Variants in ATRNL1 observed in about 807,000 individuals in gnomAD.
ATRNL1 encodes the protein attractin-like protein 1.
ATRNL1 carries 95 observed loss-of-function variants against 182.7 expected under a neutral mutation model. The ratio of observed to expected loss-of-function variants is 0.52; its 90% CI spans 0.44 to 0.62. The LOEUF is 0.62. Ranked by LOEUF, ATRNL1 falls within the 20% of genes least tolerant of loss-of-function variation. The pLI is 0.00. For missense variants in ATRNL1, 1,471 were observed against 1,679.5 expected (o/e 0.88, Z 2.17); for synonymous variants, 576 against 568.3 (o/e 1.01, Z -0.19).
At position 115,506,525 on chromosome 10, in the gene ATRNL1, A is replaced by C. The variant is rs1592756091; in HGVS notation, c.3655-12738A>C. Reference sequence around the variant, plus strand: ...TCTACCAGCCTAGAAGCTGGAAAAAAAACTAAAAAACAAAAACCTGAACTC... The same window carrying C: ...TCTACCAGCCTAGAAGCTGGAAAAACAACTAAAAAACAAAAACCTGAACTC... On this transcript the variant is annotated intron_variant, in intron 24 of 28. Transcript: ENST00000355044. 2.6e-5 allele frequency among the ~76,000 whole-genome samples: 4 copies of C among 152,162 alleles called. No homozygotes were observed. In the South Asian group the frequency reaches 8.3e-4, roughly 32 times the overall value.
intron 15 of ATRNL1, among the ~76,000 whole-genome samples, chr10:115,296,288 CCACTCCCCCACTG>C (rs1198920149): frequency 6.6e-6 from 1 of 152,080 alleles, no homozygotes; most frequent in Non-Finnish European, 1.5e-5. Context: ...AGGTGCATCT[CCACTCCCCCACTG>C]CACTCCAGCA....
intron 8 of ATRNL1, among the ~76,000 whole-genome samples, chr10:115,193,637 A>T (rs1476311107): frequency 6.6e-6 from 1 of 150,882 alleles, no homozygotes; most frequent in Non-Finnish European, 1.5e-5. Context: ...ATTTGTCTAT[A>T]TTTTCATCTT....
chr10:115,787,011 G>C (rs1949413395), intron 27 of ATRNL1, among the ~76,000 whole-genome samples: 1 of 152,066 alleles, frequency 6.6e-6, no homozygotes, highest in Non-Finnish European at 1.5e-5. Flanking sequence ...AATAATCTTT[G>C]TTTTTATTCA....
chr10:115,623,928 A>C (rs1203595339), intron 26 of ATRNL1, among the ~76,000 whole-genome samples: 2 of 152,320 alleles, frequency 1.3e-5, no homozygotes, highest in East Asian at 3.9e-4. Context: ...CCTAGGGCTC[A>C]GGATATTTTT....
At chr10:115,263,456 A>C (rs1253921629) in intron 10 of ATRNL1, among the ~76,000 whole-genome samples, 1 of 151,804 alleles carries the variant, frequency 6.6e-6, no homozygotes, top group African/African-American at 2.4e-5. Flanking sequence ...TTTCTTAAAA[A>C]ATTGAACACA....
At chr10:115,458,447 A>C (rs17093102) in intron 21 of ATRNL1, among the ~76,000 whole-genome samples, 7,974 of 152,066 alleles carry the variant, frequency 0.052, 640 homozygotes, top group African/African-American at 0.18. Flanking sequence ...ACTCCTACTA[A>C]TTTTGTTCTA....
intron 27 of ATRNL1, among the ~76,000 whole-genome samples, chr10:115,772,590 A>ACT (rs1491377429): frequency 3.3e-5 from 2 of 60,642 alleles, no homozygotes; most frequent in African/African-American, 1.1e-4. Flanking sequence ...CAAAATATAT[A>ACT]CTCTGTCTGT....
chr10:115,270,582 G>A (rs116120155), intron 13 of ATRNL1, among the ~76,000 whole-genome samples: 1,965 of 151,774 alleles, frequency 0.013, 39 homozygotes, highest in African/African-American at 0.044. Flanking sequence ...TCTACTCTAC[G>A]TATGGAGGCT....
intron 5 of ATRNL1, among the ~76,000 whole-genome samples, chr10:115,158,952 T>A (rs1846650315): frequency 6.6e-6 from 1 of 151,770 alleles, no homozygotes; most frequent in Admixed American, 6.6e-5. Context: ...AATGATTATA[T>A]GCCATAGTAT....
chr10:115,727,175 G>A (rs1368914989), intron 26 of ATRNL1, 73 bp from the exon 27 acceptor site: 13 of 1,024,074 alleles, frequency 1.3e-5, no homozygotes, highest in Non-Finnish European at 2.0e-5. Context: ...TGTTAAAAGA[G>A]GGAACCAGAT....
Position 115,165,601 on chromosome 10 carries a change from A to G in ATRNL1, c.1048A>G (p.Arg350Gly), listed in dbSNP as rs782542678. The G allele has an allele frequency of 1.9e-6, 3 of 1,546,666 alleles. No individual in the cohort carries two copies. Among genetic ancestry groups the G allele is most frequent in the South Asian group, 2.5e-5 (2 of 78,950 alleles). The change falls in exon 7 of 29, where the codon AGG becomes GGG. Residue 350 changes from arginine to glycine, a missense_variant. By Grantham distance (125) the Arg-to-Gly change is moderately radical. This residue lies in a region of ATRNL1 where 1,031 missense variants were observed against 1,156.0 expected (regional missense o/e 0.89). Transcript: ENST00000355044. ...TATATGGAATGTAGGAACTCCATCA[A>G]GGGGACCTCTCCAGAGATATGGACA... ...SSIWNVGTPSRGPLQRYGHSL... is the reference protein window; with the variant it reads ...SSIWNVGTPSGGPLQRYGHSL...
At chr10:115,689,691 C>G (rs1055587962) in intron 26 of ATRNL1, among the ~76,000 whole-genome samples, 20 of 152,114 alleles carry the variant, frequency 1.3e-4, no homozygotes, top group Admixed American at 6.5e-4. Flanking sequence ...ATCTCTGGGT[C>G]TTGATCAGTG....
At chr10:115,306,892 G>T (rs1404137109) in intron 17 of ATRNL1, among the ~76,000 whole-genome samples, 4 of 152,074 alleles carry the variant, frequency 2.6e-5, no homozygotes, top group Non-Finnish European at 5.9e-5. Context: ...GAAGGTTAAT[G>T]AAACATAATT....
At chr10:115,799,557 G>A (rs1236067172) in intron 27 of ATRNL1, among the ~76,000 whole-genome samples, 3 of 152,186 alleles carry the variant, frequency 2.0e-5, no homozygotes, top group Non-Finnish European at 2.9e-5. Flanking sequence ...TGGAATCACA[G>A]TTGCTCTCCC....
chr10:115,823,071 A>G (rs1950341992), intron 27 of ATRNL1, among the ~76,000 whole-genome samples: 1 of 152,224 alleles, frequency 6.6e-6, no homozygotes, highest in South Asian at 2.1e-4. Context: ...CACATCAAAA[A>G]GCTTATTCAC....
chr10:115,292,071 T>C (rs1318601411), intron 15 of ATRNL1, among the ~76,000 whole-genome samples: 1 of 151,990 alleles, frequency 6.6e-6, no homozygotes, highest in African/African-American at 2.4e-5. Flanking sequence ...TCTATTTCTT[T>C]TTGGTTCAAT....
At chr10:115,484,191 T>C (rs1340578713) in intron 24 of ATRNL1, among the ~76,000 whole-genome samples, 1 of 151,568 alleles carries the variant, frequency 6.6e-6, no homozygotes, top group African/African-American at 2.4e-5. Flanking sequence ...CTATATCTCA[T>C]TGATATTAGG....
At chr10:115,634,211 A>G (rs1031315258) in intron 26 of ATRNL1, among the ~76,000 whole-genome samples, 6 of 152,158 alleles carry the variant, frequency 3.9e-5, no homozygotes, top group African/African-American at 1.4e-4. Context: ...CGTGGTTATT[A>G]TGCACTTTTA....
At chr10:115,617,731 G>A (rs1474758207) in intron 26 of ATRNL1, among the ~76,000 whole-genome samples, 1 of 152,136 alleles carries the variant, frequency 6.6e-6, no homozygotes, top group Non-Finnish European at 1.5e-5. Context: ...ACTGGACTGT[G>A]GGCTTTTGAG....
Sources: allele counts gnomAD v4.1 joint callset (sites outside exome capture counted in the v4.1 genomes callset), GRCh38; gene constraint gnomAD v4.1.1; regional missense constraint gnomAD v4.1.1; transcripts MANE v1.5; gene names NCBI Gene and HGNC (gene_info 2026-07-23, HGNC 2026-07-21).